Variants in HIRA observed in about 807,000 individuals in gnomAD.
HIRA encodes the protein protein HIRA.
A neutral mutation model predicts 126.6 loss-of-function variants in HIRA; 13 were observed. The observed-to-expected ratio is 0.10, with a 90% CI of 0.07 to 0.16. The LOEUF (loss-of-function observed/expected upper bound fraction) is 0.16. Ranked by LOEUF, HIRA falls within the 10% of genes least tolerant of loss-of-function variation. The pLI, the probability that HIRA is intolerant of heterozygous loss-of-function variation, is 1.00. For missense variants in HIRA, 834 were observed against 1,314.4 expected (o/e 0.63, Z 5.65); for synonymous variants, 511 against 520.0 (o/e 0.98, Z 0.24).
In HIRA at chr22:19,412,102, A is replaced by G. The variant is rs567363134; in HGVS notation, c.38-1324T>C. ...TAACCAAAGGGAAATGACAGAAGTA[A>G]TGTTGCTCCAGTTCCAGGTGTAGGC... On this transcript the variant is annotated intron_variant, in intron 1 of 24. Transcript: ENST00000263208. 2.2e-4 allele frequency among the ~76,000 whole-genome samples: 33 copies of G among 152,342 alleles called. No homozygotes were observed. In the East Asian group the frequency reaches 6.2e-3, roughly 28 times the overall value.
intron 5 of HIRA, among the ~76,000 whole-genome samples, chr22:19,403,975 T>C (rs1196724368): frequency 6.6e-6 from 1 of 152,186 alleles, no homozygotes; most frequent in Non-Finnish European, 1.5e-5. Flanking sequence ...AATTATTTTT[T>C]AGTATTTTGT....
Position 19,340,416 on chromosome 22 carries a change from G to A in HIRA, c.2938-8860C>T, listed in dbSNP as rs896647932. Among the ~76,000 whole-genome samples the A allele has an allele frequency of 3.9e-5, 6 of 152,092 alleles. No individual in the cohort carries two copies. In the East Asian group the frequency reaches 5.8e-4, roughly 15 times the overall value. On this transcript the variant is annotated intron_variant, in intron 24 of 24. Transcript: ENST00000263208. Reference sequence around the variant, plus strand: ...ACAAACTCACAGTTGACTTTATACCGAAAAGGGAAAAGATAAAAGGGTTCC... The same window carrying A: ...ACAAACTCACAGTTGACTTTATACCAAAAAGGGAAAAGATAAAAGGGTTCC...
At chr22:19,387,940 T>G (rs1316769696) in intron 10 of HIRA, 124 bp from the exon 11 acceptor site, 1 of 135,264 alleles carries the variant, frequency 7.4e-6, no homozygotes, top group Non-Finnish European at 1.8e-5. Context: ...CCTGGTTCCC[T>G]TCTGTGGCCT....
chr22:19,406,366 T>C (rs2089308032), intron 4 of HIRA, among the ~76,000 whole-genome samples: 1 of 152,130 alleles, frequency 6.6e-6, no homozygotes, highest in Non-Finnish European at 1.5e-5. Context: ...AAATCAACAG[T>C]ATTTTATTTT....
At chr22:19,376,743 T>G (rs1312133179) in intron 14 of HIRA, among the ~76,000 whole-genome samples, 2 of 152,110 alleles carry the variant, frequency 1.3e-5, no homozygotes, top group Non-Finnish European at 2.9e-5. Flanking sequence ...CACCCAGAAG[T>G]AGGAGGCTGA....
intron 1 of HIRA, among the ~76,000 whole-genome samples, chr22:19,412,244 G>A (rs1357859415): frequency 1.3e-5 from 2 of 152,142 alleles, no homozygotes; most frequent in African/African-American, 4.8e-5. Context: ...CACATGTAGA[G>A]CATCAAAGAG....
rs770933534 is a variant in HIRA, at chr22:19,385,644, G to A, written c.1206C>T (p.Leu402=). 6.2e-7 allele frequency: 1 copy of A among 1,614,190 alleles called. No homozygotes were observed. Among genetic ancestry groups the A allele is most frequent in the South Asian group, 1.1e-5 (1 of 91,082 alleles). The change falls in exon 12 of 25, where the codon CTC becomes CTT. Residue 402 remains leucine (L), a synonymous_variant. Transcript: ENST00000263208. ...GCTGCTGCTGCCTTCGCTGGTACTTGAGCATCTCAGGGTTCTCAATGACGG... is the reference window on the plus strand; with the variant it reads ...GCTGCTGCTGCCTTCGCTGGTACTTAAGCATCTCAGGGTTCTCAATGACGG... The part of the protein sequence containing the change: ...STAVIENPEM[L]KYQRRQQQQQ...
chr22:19,404,096 T>C (rs2089290236), intron 5 of HIRA, among the ~76,000 whole-genome samples: 1 of 152,226 alleles, frequency 6.6e-6, no homozygotes, highest in Non-Finnish European at 1.5e-5. Context: ...GGTTTTTTCT[T>C]CCCAACCCCC....
chr22:19,430,381 G>C (rs1397880192), intron 1 of HIRA: 1 of 152,226 alleles, frequency 6.6e-6, no homozygotes, highest in African/African-American at 2.4e-5. Flanking sequence ...CACATGATCA[G>C]TTCAGTTTAG....
In HIRA at chr22:19,351,576, T is replaced by G; in HGVS notation, c.2849-130A>C. ...AATCAGAATAAACACATGCGTATTTTATTGCCTACTATGGGCAAGACGCCC... is the reference window on the plus strand; with the variant it reads ...AATCAGAATAAACACATGCGTATTTGATTGCCTACTATGGGCAAGACGCCC... On this transcript the variant is annotated intron_variant, in intron 23 of 24. Transcript: ENST00000263208. The surrounding 1 kb of genome is among the most constrained non-coding windows in gnomAD (Gnocchi z 4.8). The G allele has an allele frequency of 2.8e-6, 2 of 711,354 alleles. No homozygotes were observed. Among genetic ancestry groups the G allele is most frequent in the Admixed American group, 2.6e-5 (1 of 38,234 alleles). 44.1% of individuals were successfully genotyped at this position (711,354 alleles called of 1,614,324 possible).
At chr22:19,382,678 GA>G (rs1317650860) in intron 13 of HIRA, among the ~76,000 whole-genome samples, 1 of 152,130 alleles carries the variant, frequency 6.6e-6, no homozygotes, top group African/African-American at 2.4e-5. Flanking sequence ...CAAATGCCCT[GA>G]GCAGATAGAC....
At chr22:19,417,758 T>C (rs1365352257) in intron 1 of HIRA, among the ~76,000 whole-genome samples, 1 of 152,220 alleles carries the variant, frequency 6.6e-6, no homozygotes, top group African/African-American at 2.4e-5. Flanking sequence ...TCTGGGTATA[T>C]AACCAAAAGA....
At chr22:19,408,286 CAA>C (rs2089323318) in intron 3 of HIRA, among the ~76,000 whole-genome samples, 195 bp downstream of exon 3, 1 of 152,160 alleles carries the variant, frequency 6.6e-6, no homozygotes. Flanking sequence ...GCAGACTGTC[CAA>C]AGATGGTTCT....
In HIRA at chr22:19,399,052, C is replaced by T. The variant is rs2089246093; in HGVS notation, c.398-965G>A. ...CACTGTAAGGATTAAATGTGATAAA[C>T]TGCTGCAACACCATGCCAGGCACAC... On this transcript the variant is annotated intron_variant, in intron 5 of 24. Coordinates refer to ENST00000263208, the MANE Select transcript of HIRA (RefSeq NM_003325.4). 4 of 841,122 alleles carry T rather than the reference C, an allele frequency of 4.8e-6. No individual in the cohort carries two copies. In the South Asian group the frequency reaches 2.2e-4, roughly 46 times the overall value. 52.1% of individuals were successfully genotyped at this position (841,122 alleles called of 1,614,324 possible).
chr22:19,368,545 A>G (rs1372082657), intron 15 of HIRA, among the ~76,000 whole-genome samples: 1 of 152,074 alleles, frequency 6.6e-6, no homozygotes, highest in East Asian at 1.9e-4. Context: ...AAGCTTTTGG[A>G]ACAGTCAAAA....
At position 19,378,039 on chromosome 22, in the gene HIRA, G is replaced by A. The variant is rs985951259; in HGVS notation, c.1443C>T (p.Ser481=). Residue 481 remains serine (S), a synonymous_variant, in exon 14 of 25, where the codon AGC becomes AGT. Coordinates refer to ENST00000263208, the MANE Select transcript of HIRA (RefSeq NM_003325.4). ...CCGCCAGGGAGCCCGAGAGGGGGAT[G>A]CTGTTAAAGAATGCCGTGGAGAAGT... ...TGDFSTAFFN[S]IPLSGSLAGT... The A allele has an allele frequency of 1.9e-6, 3 of 1,593,154 alleles. No individual in the cohort carries two copies. Among genetic ancestry groups the A allele is most frequent in the Non-Finnish European group, 2.6e-6 (3 of 1,168,746 alleles).
At chr22:19,429,733 T>C (rs1325937385) in intron 1 of HIRA, among the ~76,000 whole-genome samples, 1 of 152,222 alleles carries the variant, frequency 6.6e-6, no homozygotes, top group Non-Finnish European at 1.5e-5. Flanking sequence ...ATAAAACTTT[T>C]GGCCTACAAA....
intron 15 of HIRA, among the ~76,000 whole-genome samples, chr22:19,362,610 G>A (rs1008285558): frequency 1.4e-4 from 21 of 151,836 alleles, no homozygotes; most frequent in Non-Finnish European, 2.1e-4. Flanking sequence ...GCCCAGCCTG[G>A]AATGCAATGG....
chr22:19,344,180 A>G (rs1367174174), intron 24 of HIRA, among the ~76,000 whole-genome samples: 1 of 152,140 alleles, frequency 6.6e-6, no homozygotes, highest in Admixed American at 6.5e-5. Context: ...TAATAAAGAT[A>G]ATGGGACAAG....
Sources: gnomAD v4.1 joint callset for allele counts (sites outside exome capture counted in the v4.1 genomes callset) on GRCh38, gnomAD v4.1.1 for gene constraint, Gnocchi (gnomAD v3.1) non-coding constraint, MANE v1.5 for transcripts, NCBI Gene and HGNC (gene_info 2026-07-23, HGNC 2026-07-21) for gene names.